The following THSD4 variants were observed in gnomAD, a reference collection of about 807,000 sequenced individuals.
THSD4 encodes the protein thrombospondin type 1 domain containing 4.
Under a neutral mutation model 119.0 loss-of-function variants are expected in THSD4, and 69 were observed. The ratio of observed to expected loss-of-function variants is 0.58; its 90% CI spans 0.48 to 0.71. THSD4 has a LOEUF of 0.71. Ranked by LOEUF, THSD4 falls within the 30% of genes least tolerant of loss-of-function variation. THSD4 has a pLI of 0.00. For missense variants in THSD4, 1,393 were observed against 1,391.1 expected (o/e 1.00, Z -0.02); for synonymous variants, 524 against 540.4 (o/e 0.97, Z 0.42).
At chr15:71,349,144 C>T (rs537641321) in intron 6 of THSD4, among the ~76,000 whole-genome samples, 1 of 152,268 alleles carries the variant, frequency 6.6e-6, no homozygotes, top group Admixed American at 6.5e-5. Context: ...CAATTGTTAG[C>T]AGTGAGATCA....
At chr15:71,685,608 T>C (rs2051891593) in intron 8 of THSD4, among the ~76,000 whole-genome samples, 1 of 152,166 alleles carries the variant, frequency 6.6e-6, no homozygotes, top group African/African-American at 2.4e-5. Flanking sequence ...CAATCTATTG[T>C]GATAGATTAT....
At chr15:71,243,160 A>G in intron 5 of THSD4, 64 bp downstream of exon 5, 1 of 1,510,474 alleles carries the variant, frequency 6.6e-7, no homozygotes, top group Non-Finnish European at 9.0e-7. Context: ...GTCATTTGGC[A>G]CTAAGCATGA....
chr15:71,427,765 G>A (rs541940115), intron 7 of THSD4, among the ~76,000 whole-genome samples: 1 of 151,804 alleles, frequency 6.6e-6, no homozygotes, highest in African/African-American at 2.4e-5. Flanking sequence ...TTCAGTAATG[G>A]GAAACCCTCC....
intron 7 of THSD4, among the ~76,000 whole-genome samples, chr15:71,586,672 A>G (rs902076639): frequency 1.4e-4 from 22 of 152,212 alleles, no homozygotes; most frequent in African/African-American, 5.1e-4. Context: ...CCACTCTGAT[A>G]ATTTTTCTGA....
chr15:71,575,671 C>T (rs1213132430), intron 7 of THSD4, among the ~76,000 whole-genome samples: 5 of 152,150 alleles, frequency 3.3e-5, no homozygotes, highest in Non-Finnish European at 7.3e-5. Context: ...CACTAGATGA[C>T]CTTCCCTCAT....
At chr15:71,101,718 T>TC (rs2040254238) in intron 1 of THSD4, among the ~76,000 whole-genome samples, 3 of 143,120 alleles carry the variant, frequency 2.1e-5, no homozygotes, top group Admixed American at 6.8e-5. Context: ...TTTTCTTTTT[T>TC]ATTTTTTTTT....
At chr15:71,629,025 A>C (rs939349581) in intron 7 of THSD4, among the ~76,000 whole-genome samples, 4 of 152,230 alleles carry the variant, frequency 2.6e-5, no homozygotes, top group African/African-American at 9.6e-5. Context: ...GTGTGTCTAA[A>C]GCAAAACAGT....
At chr15:71,199,917 GT>G (rs1567155141) in intron 3 of THSD4, among the ~76,000 whole-genome samples, 46 of 86,712 alleles carry the variant, frequency 5.3e-4, no homozygotes, top group African/African-American at 2.6e-3. Context: ...CATGTGTGGG[GT>G]GTGTGTGTGT....
intron 3 of THSD4, among the ~76,000 whole-genome samples, chr15:71,191,018 T>C (rs1473682249): frequency 6.6e-6 from 1 of 152,174 alleles, no homozygotes; most frequent in Non-Finnish European, 1.5e-5. Flanking sequence ...AATTCTTCTC[T>C]TTGTTCTCCC....
chr15:71,104,745 A>G (rs1195709768), intron 1 of THSD4, among the ~76,000 whole-genome samples: 2 of 152,194 alleles, frequency 1.3e-5, no homozygotes, highest in Admixed American at 6.5e-5. Flanking sequence ...GGGAGTTTAC[A>G]GGTTATAGGC....
At chr15:71,223,700 G>T (rs889740494) in intron 4 of THSD4, among the ~76,000 whole-genome samples, 1 of 152,228 alleles carries the variant, frequency 6.6e-6, no homozygotes, top group Admixed American at 6.5e-5. Context: ...CATGTCTGAT[G>T]AGGAAACAGC....
At chr15:71,107,556 C>T (rs574379830) in intron 1 of THSD4, among the ~76,000 whole-genome samples, 2 of 152,332 alleles carry the variant, frequency 1.3e-5, no homozygotes, top group Admixed American at 1.3e-4. Flanking sequence ...TGGTTTCTTT[C>T]CCATTGTGTG....
chr15:71,405,791 C>A (rs1033161792), intron 6 of THSD4, among the ~76,000 whole-genome samples: 1 of 152,108 alleles, frequency 6.6e-6, no homozygotes, highest in Non-Finnish European at 1.5e-5. Flanking sequence ...TGATATCTTT[C>A]CATTTGTTTA....
intron 7 of THSD4, among the ~76,000 whole-genome samples, chr15:71,467,024 T>C (rs2047510312): frequency 6.6e-6 from 1 of 152,224 alleles, no homozygotes; most frequent in African/African-American, 2.4e-5. Flanking sequence ...GGAAGTCTTA[T>C]TCAATTCAAA....
chr15:71,648,278 C>G (rs1346899473), intron 7 of THSD4, among the ~76,000 whole-genome samples: 1 of 152,164 alleles, frequency 6.6e-6, no homozygotes, highest in East Asian at 1.9e-4. Flanking sequence ...ACAGCTGTCA[C>G]ATATATCCAT....
intron 7 of THSD4, among the ~76,000 whole-genome samples, chr15:71,583,787 T>C (rs1263424551): frequency 2.0e-5 from 3 of 152,236 alleles, no homozygotes; most frequent in Admixed American, 2.0e-4. Flanking sequence ...ATAATTACAC[T>C]CTTCTTAAAT....
intron 7 of THSD4, among the ~76,000 whole-genome samples, chr15:71,641,428 A>G (rs189361200): frequency 6.6e-6 from 1 of 152,074 alleles, no homozygotes; most frequent in Non-Finnish European, 1.5e-5. Flanking sequence ...ATTGTTAACA[A>G]CAATCACTGA....
chr15:71,754,071 C>G (rs1294664227), intron 14 of THSD4, among the ~76,000 whole-genome samples: 1 of 136,938 alleles, frequency 7.3e-6, no homozygotes, highest in East Asian at 2.2e-4. Context: ...TTCTGTTTAC[C>G]TTTTATTCTT....
At chr15:71,609,467 G>T (rs1483204235) in intron 7 of THSD4, among the ~76,000 whole-genome samples, 2 of 152,154 alleles carry the variant, frequency 1.3e-5, no homozygotes, top group East Asian at 3.9e-4. Flanking sequence ...AACTTGGGCT[G>T]TGGCCAGATT....
Sources: allele counts gnomAD v4.1 joint callset (sites outside exome capture counted in the v4.1 genomes callset), GRCh38; gene constraint gnomAD v4.1.1; transcripts MANE v1.5; gene names NCBI Gene and HGNC (gene_info 2026-07-23, HGNC 2026-07-21).